DHX36: variants seen among roughly 807,000 people sequenced by gnomAD.
The protein encoded by DHX36 is ATP-dependent DNA/RNA helicase DHX36.
A neutral mutation model predicts 139.0 loss-of-function variants in DHX36; 50 were observed. That is an observed-to-expected ratio of 0.36 (90% CI 0.29 to 0.46). The LOEUF (loss-of-function observed/expected upper bound fraction) is 0.46, where lower values mean the gene tolerates loss of function less well. Ranked by LOEUF, DHX36 falls within the 20% of genes least tolerant of loss-of-function variation. DHX36 has a pLI of 1.00. For missense variants in DHX36, 1,024 were observed against 1,211.3 expected (o/e 0.85, Z 2.29); for synonymous variants, 425 against 401.9 (o/e 1.06, Z -0.69).
At position 154,275,043 on chromosome 3, in the gene DHX36, C is replaced by A. The variant is rs981737668; in HGVS notation, c.*1128G>T. On this transcript the variant is annotated 3_prime_UTR_variant, in exon 25 of 25. Transcript: ENST00000496811. Reference sequence around the variant, plus strand: ...AATAACAACTAAGATTCAGAGAGTACAGGCACTAGCCTATGTGCTTTACAT... The same window carrying A: ...AATAACAACTAAGATTCAGAGAGTAAAGGCACTAGCCTATGTGCTTTACAT... 1 of 152,186 alleles carries A rather than the reference C, an allele frequency of 6.6e-6. No individual in the cohort carries two copies. Among genetic ancestry groups the A allele is most frequent in the Non-Finnish European group, 1.5e-5 (1 of 68,036 alleles). The allele number at this position is 152,186 out of a possible 1,614,324, so 9.4% of individuals were successfully genotyped here. A position where few individuals can be genotyped will look rare whatever the true frequency, so the allele number is the denominator to read the frequency against.
At chr3:154,309,289 A>C (rs559554021) in intron 5 of DHX36, among the ~76,000 whole-genome samples, 1 of 152,232 alleles carries the variant, frequency 6.6e-6, no homozygotes, top group Non-Finnish European at 1.5e-5. Context: ...ATACTCAAAA[A>C]ATGACAGAAG....
intron 5 of DHX36, 39 bp downstream of exon 5, chr3:154,309,614 T>C: frequency 6.5e-7 from 1 of 1,544,088 alleles, no homozygotes; most frequent in Non-Finnish European, 8.7e-7. Flanking sequence ...AAGATTACTT[T>C]TAAAAAGACA....
At position 154,284,658 on chromosome 3, in the gene DHX36, CTT is replaced by C. The variant is rs746732662; in HGVS notation, c.2215_2216del (p.Lys739AspfsTer14). On this transcript the variant is annotated frameshift_variant, in exon 19 of 25. Coordinates refer to ENST00000496811, the MANE Select transcript of DHX36 (RefSeq NM_020865.3). LOFTEE classifies it high-confidence loss of function. ...DPFVIPLGKE[K>X]IADARRKELA... Reference sequence around the variant, plus strand: ...ATTCCTTTCTTCTTGCATCTGCAATCTTTTCTTTTCCCTTAAAAATAGCAGAC... The same window carrying C: ...ATTCCTTTCTTCTTGCATCTGCAATCTTCTTTTCCCTTAAAAATAGCAGAC... 11 of 1,610,902 alleles carry C rather than the reference CTT, an allele frequency of 6.8e-6. No individual in the cohort carries two copies. Among genetic ancestry groups the C allele is most frequent in the Non-Finnish European group, 9.3e-6 (11 of 1,178,290 alleles).
Position 154,292,706 on chromosome 3 carries a change from A to G in DHX36, c.1671-12T>C, listed in dbSNP as rs1559949871. 2 of 1,607,654 alleles carry G rather than the reference A, an allele frequency of 1.2e-6. No individual in the cohort carries two copies. The highest frequency in any genetic ancestry group is 1.7e-6 in the Non-Finnish European group (2 of 1,178,892). On this transcript the variant is annotated splice_polypyrimidine_tract_variant and intron_variant, in intron 14 of 24. Coordinates refer to ENST00000496811, the MANE Select transcript of DHX36 (RefSeq NM_020865.3). The stretch of plus-strand genomic sequence containing the variant: ...CATCTATGGTAATGCTGTTTGGAAA[A>G]CAGATATATAAAATGTTAAAACACA...
chr3:154,315,139 G>C lies in DHX36; in HGVS notation c.510C>G (p.Leu170=), dbSNP rs773796449. ...TTCCATCTGGTTCATTTTCTTGCAA[G>C]AGATACTCAGAATCTCGGTCAATAT... The part of the protein sequence containing the change: ...RSYIDRDSEY[L]LQENEPDGTL... The change falls in exon 3 of 25, where the codon CTC becomes CTG. Residue 170 remains leucine, a synonymous_variant. Coordinates refer to ENST00000496811, the MANE Select transcript of DHX36 (RefSeq NM_020865.3). The C allele has an allele frequency of 6.2e-7, 1 of 1,613,296 alleles. No individual in the cohort carries two copies.
rs558749341 is a variant in DHX36 at position 154,282,307 on chromosome 3, T to C, written c.2376+881A>G. Among the ~76,000 whole-genome samples the C allele has an allele frequency of 3.3e-5, 5 of 152,242 alleles. No homozygotes were observed. The South Asian group carries it at 1.0e-3, about 32-fold the overall frequency. ...TTCAGGTACCTCCATAAACTGTGAT[T>C]ACTTCAAGCTTTTTTCCTATGGCAA... On this transcript the variant is annotated intron_variant, in intron 20 of 24. Transcript: ENST00000496811.
At chr3:154,300,761 G>T in intron 10 of DHX36, 65 bp from the exon 11 acceptor site, 1 of 1,436,172 alleles carries the variant, frequency 7.0e-7, no homozygotes. Flanking sequence ...TGCTACAAAA[G>T]CTTAAAATTA....
At chr3:154,309,605 A>C in intron 5 of DHX36, 48 bp downstream of exon 5, 1 of 1,511,364 alleles carries the variant, frequency 6.6e-7, no homozygotes, top group Non-Finnish European at 8.9e-7. Flanking sequence ...GGTTCTAGCA[A>C]GATTACTTTT....
rs777197696 is a variant in DHX36 at position 154,324,464 on chromosome 3, G to A, written c.-48C>T. On this transcript the variant is annotated 5_prime_UTR_variant, in exon 1 of 25. Transcript: ENST00000496811. ...TCAGAACCAGCAACCGCTGGAAATG[G>A]CGTCCGGGCCCGGAAGCCACTGTGC... 6.2e-6 allele frequency: 9 copies of A among 1,440,652 alleles called. No homozygotes were observed. In the African/African-American group the frequency reaches 1.0e-4, roughly 16 times the overall value. The allele number at this position is 1,440,652 out of a possible 1,614,324, so 89.2% of individuals were successfully genotyped here. A position where few individuals can be genotyped will look rare whatever the true frequency, so the allele number is the denominator to read the frequency against.
chr3:154,306,479 C>A (rs1712505740), intron 5 of DHX36, among the ~76,000 whole-genome samples, 184 bp from the exon 6 acceptor site: 1 of 152,046 alleles, frequency 6.6e-6, no homozygotes, highest in Admixed American at 6.6e-5. Context: ...GTTTATTTTT[C>A]ATTTCCTCTT....
chr3:154,285,481 A>T (rs985743220), intron 17 of DHX36, among the ~76,000 whole-genome samples: 4 of 152,204 alleles, frequency 2.6e-5, no homozygotes, highest in African/African-American at 9.6e-5. Context: ...CACTGTGGAC[A>T]GCTAGAAAAG....
chr3:154,314,973 C>T, intron 3 of DHX36, 73 bp downstream of exon 3: 2 of 1,040,456 alleles, frequency 1.9e-6, no homozygotes, highest in Non-Finnish European at 2.8e-6. Context: ...ATGCAGCTAC[C>T]TCTAACCATA....
Position 154,318,355 on chromosome 3 carries a change from C to T in DHX36, c.244-2192G>A, listed in dbSNP as rs1360421771. ...TGTATCTGTTTAGTTAGAATATAAC[C>T]TATATCTGCTATTCCTACAGTTCTC... On this transcript the variant is annotated intron_variant, in intron 1 of 24. Transcript: ENST00000496811. Among the ~76,000 whole-genome samples the T allele has an allele frequency of 3.9e-5, 6 of 152,034 alleles. No homozygotes were observed. The East Asian group carries it at 1.2e-3, about 29-fold the overall frequency.
intron 13 of DHX36, 103 bp from the exon 14 acceptor site, chr3:154,293,915 CTA>C: frequency 1.3e-6 from 1 of 774,160 alleles, no homozygotes; most frequent in Non-Finnish European, 2.2e-6. Flanking sequence ...TTTTAGCATT[CTA>C]TGTTCATTCA....
chr3:154,280,388 C>T (rs1719294610), intron 22 of DHX36, 191 bp downstream of exon 22: 1 of 531,472 alleles, frequency 1.9e-6, no homozygotes, highest in African/African-American at 1.9e-5. Flanking sequence ...AGAGGTGATT[C>T]CAGGATGTGT....
chr3:154,316,299 C>T (rs1046065821), intron 1 of DHX36, 136 bp from the exon 2 acceptor site: 2 of 1,129,050 alleles, frequency 1.8e-6, no homozygotes, highest in East Asian at 5.2e-5. Context: ...CCACAGGTGT[C>T]CTCTAGCCCA....
rs1207928464 is a variant in DHX36, at chr3:154,276,839, T to A, written c.2749A>T (p.Ile917Phe). 5.0e-6 allele frequency: 8 copies of A among 1,613,736 alleles called. No homozygotes were observed. Among genetic ancestry groups the A allele is most frequent in the Non-Finnish European group, 6.8e-6 (8 of 1,179,902 alleles). Reference sequence around the variant, plus strand: ...TGATCGTTATCCTTCTGGATGGAAATGTCACCTCCAAAAAACAAGAGACAG... The same window carrying A: ...TGATCGTTATCCTTCTGGATGGAAAAGTCACCTCCAAAAAACAAGAGACAG... ...PYCLLFFGGD[I>F]SIQKDNDQET... is the part of the protein sequence containing the mutation. Residue 917 changes from isoleucine (I) to phenylalanine (F), a missense_variant, in exon 24 of 25, where the codon ATT (isoleucine) becomes TTT (phenylalanine). Physicochemically the swap from Ile to Phe is conservative, Grantham distance 21. Around this residue, in one of 4 missense-constraint regions of DHX36, gnomAD observed 470 missense variants for 616.2 expected, o/e 0.76. Coordinates refer to ENST00000496811, the MANE Select transcript of DHX36 (RefSeq NM_020865.3).
intron 11 of DHX36, among the ~76,000 whole-genome samples, chr3:154,300,139 G>C (rs950159249): frequency 6.6e-5 from 10 of 152,080 alleles, no homozygotes; most frequent in Admixed American, 6.6e-4. Context: ...CATGATCTCG[G>C]ATCACTGCAG....
intron 15 of DHX36, among the ~76,000 whole-genome samples, chr3:154,290,916 C>T (rs1177655880): frequency 6.0e-5 from 9 of 151,210 alleles, no homozygotes; most frequent in African/African-American, 1.7e-4. Flanking sequence ...GGGCGGATCA[C>T]GAGGTCAGGA....
Sources: allele counts gnomAD v4.1 joint callset (sites outside exome capture counted in the v4.1 genomes callset), GRCh38; gene constraint gnomAD v4.1.1; regional missense constraint gnomAD v4.1.1; transcripts MANE v1.5; gene names NCBI Gene and HGNC (gene_info 2026-07-23, HGNC 2026-07-21).